Variants in FGD5 observed in about 807,000 individuals in gnomAD.
FGD5 encodes FYVE, RhoGEF and PH domain-containing protein 5.
A neutral mutation model predicts 133.4 loss-of-function variants in FGD5; 28 were observed. The ratio of observed to expected loss-of-function variants is 0.21; its 90% CI spans 0.16 to 0.29. The LOEUF (loss-of-function observed/expected upper bound fraction) is 0.29, where lower values mean the gene tolerates loss of function less well. FGD5 is among the 10% of genes least tolerant of loss of function. The pLI is 1.00. For missense variants in FGD5, 1,858 were observed against 1,895.2 expected (o/e 0.98, Z 0.36); for synonymous variants, 810 against 776.5 (o/e 1.04, Z -0.72).
At chr3:14,897,361 T>G in intron 4 of FGD5, 148 bp from the exon 5 acceptor site, 16 of 899,858 alleles carry the variant, frequency 1.8e-5, no homozygotes, top group Non-Finnish European at 2.5e-5. Flanking sequence ...GCTTTGTAGG[T>G]GAGACTGTTG....
chr3:14,926,052 C>T lies in FGD5; in HGVS notation c.4069-18C>T, dbSNP rs2038797466. Reference sequence around the variant, plus strand: ...TGACCACCGGGGTGGGCTGACCGCTCTGCTTCCCTCCTGCCAGGTGGCTGC... The same window carrying T: ...TGACCACCGGGGTGGGCTGACCGCTTTGCTTCCCTCCTGCCAGGTGGCTGC... On this transcript the variant is annotated intron_variant, in intron 17 of 19. Transcript: ENST00000285046. The T allele has an allele frequency of 2.5e-6, 4 of 1,612,918 alleles. No homozygotes were observed. Among genetic ancestry groups the T allele is most frequent in the Non-Finnish European group, 2.5e-6 (3 of 1,179,564 alleles).
Position 14,924,085 on chromosome 3 carries a change from A to G in FGD5, c.4015A>G (p.Ile1339Val). The G allele has an allele frequency of 6.2e-7, 1 of 1,613,996 alleles. No individual in the cohort carries two copies. The highest frequency in any genetic ancestry group is 2.2e-5 in the East Asian group (1 of 44,878). Residue 1339 changes from isoleucine to valine, a missense_variant, in exon 17 of 20, where the codon ATT (isoleucine) becomes GTT (valine). By Grantham distance (29) the Ile-to-Val change is conservative. Transcript: ENST00000285046. The part of the protein sequence containing the change: ...GSAFSSVFQS[I>V]NPSTFKKQKK... ...TGCCTTTTCATCCGTCTTCCAGAGC[A>G]TTAACCCCTCGACCTTCAAGAAGCA... is the stretch of plus-strand genomic sequence containing the variant.
At chr3:14,833,049 C>T (rs1010351513) in intron 1 of FGD5, among the ~76,000 whole-genome samples, 5 of 152,178 alleles carry the variant, frequency 3.3e-5, no homozygotes, top group Non-Finnish European at 7.3e-5. Flanking sequence ...TTCTGAGCGA[C>T]GAATTAATGT....
intron 11 of FGD5, 67 bp downstream of exon 11, chr3:14,910,996 A>G (rs1293590347): frequency 1.4e-6 from 2 of 1,475,542 alleles, no homozygotes; most frequent in African/African-American, 1.4e-5. Flanking sequence ...TAGGGCCATT[A>G]TTCAAGGACA....
intron 9 of FGD5, among the ~76,000 whole-genome samples, chr3:14,901,640 C>G (rs534427037): frequency 6.6e-6 from 1 of 152,172 alleles, no homozygotes; most frequent in Non-Finnish European, 1.5e-5. Context: ...GTTCCAAGCC[C>G]GAGTCCTAGG....
intron 1 of FGD5, among the ~76,000 whole-genome samples, chr3:14,862,452 C>G (rs747472089): frequency 2.0e-5 from 3 of 152,128 alleles, no homozygotes; most frequent in African/African-American, 7.2e-5. Context: ...GGCTGGGGAC[C>G]ACTCCTCAGT....
chr3:14,899,133 G>A (rs1250899063), intron 7 of FGD5, among the ~76,000 whole-genome samples: 1 of 152,058 alleles, frequency 6.6e-6, no homozygotes, highest in Non-Finnish European at 1.5e-5. Flanking sequence ...CTGAAGCCAC[G>A]CCTGTCATCA....
chr3:14,889,908 C>CT (rs1195339557), intron 4 of FGD5, among the ~76,000 whole-genome samples: 1 of 152,056 alleles, frequency 6.6e-6, no homozygotes, highest in Non-Finnish European at 1.5e-5. Flanking sequence ...CTTAGAAGCT[C>CT]TTTAAGTATT....
chr3:14,926,310 G>T, intron 18 of FGD5, 112 bp downstream of exon 18: 2 of 1,433,488 alleles, frequency 1.4e-6, no homozygotes, highest in Non-Finnish European at 1.9e-6. Flanking sequence ...TGCTGAGCCA[G>T]TTCTGGTGGC....
At position 14,922,138 on chromosome 3, in the gene FGD5, TC is replaced by T. The variant is rs2038694716; in HGVS notation, c.3669+127del. 4 of 1,150,172 alleles carry T rather than the reference TC, an allele frequency of 3.5e-6. No homozygotes were observed. The highest frequency in any genetic ancestry group is 5.0e-6 in the Non-Finnish European group (4 of 801,678). The allele number at this position is 1,150,172 out of a possible 1,614,324, so 71.2% of individuals were successfully genotyped here. ...GTAGCTCCTGTCTTGGGGCACTGGC[TC>T]CCCCCACACCCCTGCCATGCTCCCA... On this transcript the variant is annotated intron_variant, in intron 14 of 19. Transcript: ENST00000285046. The surrounding 1 kb of genome is among the most constrained non-coding windows in gnomAD (Gnocchi z 4.1).
In FGD5 at chr3:14,934,181, G is replaced by T. The variant is rs943943113; in HGVS notation, c.*1014G>T. 5 of 152,236 alleles carry T rather than the reference G, an allele frequency of 3.3e-5. No homozygotes were observed. The highest frequency in any genetic ancestry group is 4.4e-5 in the Non-Finnish European group (3 of 68,044). 9.4% of individuals were successfully genotyped at this position (152,236 alleles called of 1,614,324 possible). On this transcript the variant is annotated 3_prime_UTR_variant, in exon 20 of 20. Coordinates refer to ENST00000285046, the MANE Select transcript of FGD5 (RefSeq NM_152536.4). ...AGAAAACAAGTTAGACTCCAAAGGT[G>T]AATTCCTGGTCTTGGCAGATGGCTC... is the stretch of plus-strand genomic sequence containing the variant.
chr3:14,846,856 G>A (rs547448506), intron 1 of FGD5, among the ~76,000 whole-genome samples: 27 of 152,362 alleles, frequency 1.8e-4, no homozygotes, highest in African/African-American at 6.3e-4. Context: ...ATATGTGGAG[G>A]TGTTTGTAGA....
chr3:14,849,917 G>T (rs918450659), intron 1 of FGD5, among the ~76,000 whole-genome samples: 1 of 152,136 alleles, frequency 6.6e-6, no homozygotes, highest in African/African-American at 2.4e-5. Flanking sequence ...TTGGCTGGCT[G>T]TGTCTGTGTG....
chr3:14,898,871 G>A (rs751791228), intron 7 of FGD5, 45 bp downstream of exon 7: 1 of 1,525,670 alleles, frequency 6.6e-7, no homozygotes, highest in East Asian at 2.4e-5. Flanking sequence ...GGCAGGGCAG[G>A]GAAGGCCCCT....
At position 14,820,764 on chromosome 3, in the gene FGD5, G is replaced by C. The variant is rs748688231; in HGVS notation, c.1693G>C (p.Glu565Gln). Residue 565 changes from glutamate (E) to glutamine (Q), a missense_variant, in exon 1 of 20, where the codon GAG (glutamate) becomes CAG (glutamine). Physicochemically the swap from Glu to Gln is conservative, Grantham distance 29. Around this residue, in one of 3 missense-constraint regions of FGD5, gnomAD observed 1,824 missense variants for 1,848.9 expected, o/e 0.99. Transcript: ENST00000285046. ...AGAGATTCCAGTGTCCGTGTACCAG[G>C]AGCCTGAGGGGTCAGGGTTGGATGA... ...GREIPVSVYQ[E>Q]PEGSGLDDHR... 7.4e-6 allele frequency: 12 copies of C among 1,613,300 alleles called. No individual in the cohort carries two copies. The highest frequency in any genetic ancestry group is 1.7e-4 in the Middle Eastern group (1 of 6,050).
At chr3:14,823,562 C>A (rs904032500) in intron 1 of FGD5, among the ~76,000 whole-genome samples, 15 of 152,184 alleles carry the variant, frequency 9.9e-5, no homozygotes, top group African/African-American at 3.6e-4. Flanking sequence ...GACACAAGTC[C>A]TGTTACAGAA....
At chr3:14,866,942 G>A (rs796089467) in intron 2 of FGD5, among the ~76,000 whole-genome samples, 8 of 152,312 alleles carry the variant, frequency 5.3e-5, no homozygotes, top group African/African-American at 1.7e-4. Flanking sequence ...GGGTGGGTGA[G>A]TCTAGGCTCA....
chr3:14,819,453 G>A lies in FGD5; in HGVS notation c.382G>A (p.Ala128Thr), dbSNP rs1444316628. 1 of 1,550,792 alleles carries A rather than the reference G, an allele frequency of 6.4e-7. No individual in the cohort carries two copies. Among genetic ancestry groups the A allele is most frequent in the South Asian group, 1.2e-5 (1 of 84,008 alleles). Residue 128 changes from alanine (A) to threonine (T), a missense_variant, in exon 1 of 20, where the codon GCA becomes ACA. Coordinates refer to ENST00000285046, the MANE Select transcript of FGD5 (RefSeq NM_152536.4). The surrounding 1 kb of genome is among the most constrained non-coding windows in gnomAD (Gnocchi z 4.1). ...TTCAGTGGCCCCTGCTGCTCCGGGTGCAGGAGCGCTGAGCAGGGAGGGTGA... is the reference window on the plus strand; with the variant it reads ...TTCAGTGGCCCCTGCTGCTCCGGGTACAGGAGCGCTGAGCAGGGAGGGTGA... ...EDSVAPAAPG[A>T]GALSREGEEG...
chr3:14,910,484 T>C (rs969830738), intron 10 of FGD5, among the ~76,000 whole-genome samples: 12 of 152,198 alleles, frequency 7.9e-5, no homozygotes, highest in Non-Finnish European at 1.8e-4. Context: ...TGAGCTCAAG[T>C]GATCCTTTCA....
Sources: allele counts gnomAD v4.1 joint callset (sites outside exome capture counted in the v4.1 genomes callset), GRCh38; gene constraint gnomAD v4.1.1; regional missense constraint gnomAD v4.1.1; non-coding constraint Gnocchi (gnomAD v3.1); transcripts MANE v1.5; gene names NCBI Gene and HGNC (gene_info 2026-07-23, HGNC 2026-07-21).